Variants in WASF1 observed in about 807,000 individuals in gnomAD.
WASF1 encodes the protein actin-binding protein WASF1.
In WASF1, 7 loss-of-function variants were observed where a neutral mutation model predicts 50.5. The observed-to-expected ratio is 0.14, with a 90% CI of 0.08 to 0.26. WASF1 has a LOEUF of 0.26. Ranked by LOEUF, WASF1 falls within the 10% of genes least tolerant of loss-of-function variation. WASF1 has a pLI of 1.00. For missense variants in WASF1, 470 were observed against 694.7 expected (o/e 0.68, Z 3.64); for synonymous variants, 205 against 244.0 (o/e 0.84, Z 1.49).
At chr6:110,103,314 C>T (rs1773175597) in intron 9 of WASF1, 64 bp downstream of exon 9, 7 of 1,533,522 alleles carry the variant, frequency 4.6e-6, no homozygotes, top group South Asian at 3.9e-5. Flanking sequence ...CTTACTATAT[C>T]GTCCTTGAAA....
At chr6:110,169,294 A>G (rs1776596088) in intron 2 of WASF1, among the ~76,000 whole-genome samples, 1 of 151,980 alleles carries the variant, frequency 6.6e-6, no homozygotes, top group African/African-American at 2.4e-5. Context: ...CACTAACTCA[A>G]ATTCAAAATA....
chr6:110,167,732 G>A (rs1776537286), intron 2 of WASF1, among the ~76,000 whole-genome samples: 1 of 151,882 alleles, frequency 6.6e-6, no homozygotes, highest in Non-Finnish European at 1.5e-5. Context: ...CGGTGAGGCA[G>A]CTACAAATAA....
chr6:110,165,370 G>C (rs1287830604), intron 2 of WASF1, among the ~76,000 whole-genome samples: 1 of 151,602 alleles, frequency 6.6e-6, no homozygotes, highest in Admixed American at 6.6e-5. Context: ...TAAAAAAGAA[G>C]TTGGAAGATG....
intron 2 of WASF1, among the ~76,000 whole-genome samples, chr6:110,161,412 C>G (rs954375616): frequency 3.3e-5 from 5 of 151,518 alleles, no homozygotes; most frequent in African/African-American, 1.2e-4. Context: ...ATTTGGCTAT[C>G]CCTCTTTCTT....
chr6:110,116,738 C>T (rs1043551909), intron 4 of WASF1, among the ~76,000 whole-genome samples: 1 of 152,086 alleles, frequency 6.6e-6, no homozygotes, highest in African/African-American at 2.4e-5. Flanking sequence ...GGTCCCTGAC[C>T]CCCGTGTAGC....
chr6:110,153,576 T>C (rs1031107277), intron 3 of WASF1, among the ~76,000 whole-genome samples: 3 of 152,224 alleles, frequency 2.0e-5, no homozygotes, highest in South Asian at 4.1e-4. Context: ...TACAGTGGTA[T>C]CTCATAATTT....
intron 3 of WASF1, among the ~76,000 whole-genome samples, chr6:110,145,168 C>T (rs1775493939): frequency 6.6e-6 from 1 of 152,102 alleles, no homozygotes. Flanking sequence ...TTGAAGAGGT[C>T]CTTCACATCC....
Position 110,127,556 on chromosome 6 carries a change from T to C in WASF1, c.46A>G (p.Thr16Ala), listed in dbSNP as rs745437068. ...RNIDPRHLCH[T>A]ALPRGIKNEL... ...TTCTTAATGCCTCTAGGCAGTGCTG[T>C]GTGGCACAAGTGCCTAGGATCGATG... The change falls in exon 4 of 11, where the codon ACA becomes GCA. Residue 16 changes from threonine to alanine, a missense_variant. Physicochemically the swap from Thr to Ala is moderately conservative, Grantham distance 58. Coordinates refer to ENST00000392589, the MANE Select transcript of WASF1 (RefSeq NM_003931.3). 3.1e-6 allele frequency: 5 copies of C among 1,592,498 alleles called. No individual in the cohort carries two copies. The South Asian group carries it at 4.7e-5, about 15-fold the overall frequency.
chr6:110,165,209 G>A (rs12191724), intron 2 of WASF1, among the ~76,000 whole-genome samples: 13,018 of 151,552 alleles, frequency 0.086, 594 homozygotes, highest in Middle Eastern at 0.18. Context: ...ATTTATCAAC[G>A]TAAGTTCATC....
chr6:110,164,841 A>T (rs886732260), intron 2 of WASF1, among the ~76,000 whole-genome samples: 4 of 151,660 alleles, frequency 2.6e-5, no homozygotes, highest in Non-Finnish European at 5.9e-5. Flanking sequence ...GGTACACCCA[A>T]ATAATGGAAT....
intron 3 of WASF1, among the ~76,000 whole-genome samples, chr6:110,139,958 T>C (rs1174723025): frequency 6.6e-6 from 1 of 152,232 alleles, no homozygotes; most frequent in Admixed American, 6.5e-5. Flanking sequence ...TGTAATATTA[T>C]GAAATATTTA....
chr6:110,159,400 CGT>C (rs2114598584), intron 3 of WASF1, among the ~76,000 whole-genome samples: 1 of 151,976 alleles, frequency 6.6e-6, no homozygotes, highest in East Asian at 1.9e-4. Flanking sequence ...AGGGGATAAC[CGT>C]GTGACACTGC....
chr6:110,171,520 G>T (rs564507576), intron 2 of WASF1, among the ~76,000 whole-genome samples: 111 of 152,156 alleles, frequency 7.3e-4, no homozygotes, highest in African/African-American at 2.6e-3. Flanking sequence ...ATTTTAAGTT[G>T]AAAATATCAT....
At chr6:110,126,976 C>T (rs1384811936) in intron 4 of WASF1, among the ~76,000 whole-genome samples, 1 of 152,066 alleles carries the variant, frequency 6.6e-6, no homozygotes, top group African/African-American at 2.4e-5. Flanking sequence ...CCTAATGTCT[C>T]TTAGACATCC....
intron 3 of WASF1, among the ~76,000 whole-genome samples, chr6:110,128,616 C>T (rs1243526154): frequency 6.6e-6 from 1 of 152,208 alleles, no homozygotes; most frequent in African/African-American, 2.4e-5. Context: ...TTAGTAACAA[C>T]ACTGCCCAAC....
intron 3 of WASF1, among the ~76,000 whole-genome samples, chr6:110,149,723 T>A (rs1775742409): frequency 6.6e-6 from 1 of 152,120 alleles, no homozygotes; most frequent in South Asian, 2.1e-4. Context: ...TCAGTATACA[T>A]ATTTTAATTT....
At position 110,170,331 on chromosome 6, in the gene WASF1, TA is replaced by T. The variant is rs2114620419; in HGVS notation, c.-127+8266del. On this transcript the variant is annotated intron_variant, in intron 2 of 10. Coordinates refer to ENST00000392589, the MANE Select transcript of WASF1 (RefSeq NM_003931.3). ...TCCGCCTCCCAGGCTCAAGTGATCCTACTACCTCAGCCTCCCAAGTAGCTGG... is the reference window on the plus strand; with the variant it reads ...TCCGCCTCCCAGGCTCAAGTGATCCTCTACCTCAGCCTCCCAAGTAGCTGG... Among the ~76,000 whole-genome samples, 4 of 152,188 alleles carry T rather than the reference TA, an allele frequency of 2.6e-5. 1 individual carries two copies. The South Asian group carries it at 8.3e-4, about 32-fold the overall frequency.
chr6:110,151,090 T>C (rs1211439272), intron 3 of WASF1, among the ~76,000 whole-genome samples: 1 of 152,194 alleles, frequency 6.6e-6, no homozygotes, highest in Non-Finnish European at 1.5e-5. Flanking sequence ...GATTTTAATG[T>C]GTATTATGGA....
intron 3 of WASF1, among the ~76,000 whole-genome samples, chr6:110,158,249 A>G (rs2114595794): frequency 2.0e-5 from 1 of 50,150 alleles, no homozygotes; most frequent in South Asian, 7.4e-4. Context: ...TTATTGGTCT[A>G]TTCAGAGATT....
Sources: gnomAD v4.1 joint callset for allele counts (sites outside exome capture counted in the v4.1 genomes callset) on GRCh38, gnomAD v4.1.1 for gene constraint, MANE v1.5 for transcripts, NCBI Gene and HGNC (gene_info 2026-07-23, HGNC 2026-07-21) for gene names.